The following PCNX2 variants were observed in gnomAD, a reference collection of about 807,000 sequenced individuals.
The protein encoded by PCNX2 is pecanex-like protein 2.
A neutral mutation model predicts 223.8 loss-of-function variants in PCNX2; 168 were observed. That is an observed-to-expected ratio of 0.75 (90% CI 0.66 to 0.85). The LOEUF is 0.85. PCNX2 is among the 40% of genes least tolerant of loss of function. The pLI is 0.00. For missense variants in PCNX2, 2,507 were observed against 2,675.5 expected (o/e 0.94, Z 1.39); for synonymous variants, 1,006 against 1,052.6 (o/e 0.96, Z 0.86).
chr1:233,184,644 T>A (rs1679989365), intron 15 of PCNX2, among the ~76,000 whole-genome samples: 1 of 152,196 alleles, frequency 6.6e-6, no homozygotes, highest in Admixed American at 6.5e-5. Context: ...CACTCCTGGT[T>A]TCTGTCCTAT....
At chr1:233,249,864 G>A (rs1310604482) in intron 8 of PCNX2, among the ~76,000 whole-genome samples, 1 of 152,168 alleles carries the variant, frequency 6.6e-6, no homozygotes, top group East Asian at 1.9e-4. Context: ...CTGGAGGCCA[G>A]AATGCAAGGA....
intron 21 of PCNX2, among the ~76,000 whole-genome samples, chr1:233,122,629 T>C (rs1675867557): frequency 6.6e-6 from 1 of 151,662 alleles, no homozygotes; most frequent in Non-Finnish European, 1.5e-5. Flanking sequence ...CTTCAAGCAA[T>C]CCTCCTGCCT....
Position 233,177,840 on chromosome 1 carries a change from C to T in PCNX2, c.3235G>A (p.Ala1079Thr), listed in dbSNP as rs573954519. 1,453 of 1,613,826 alleles carry T rather than the reference C, an allele frequency of 9.0e-4. 24 individuals are homozygous for T. The South Asian group carries it at 0.015, about 17-fold the overall frequency. The change falls in exon 17 of 34, where the codon GCT becomes ACT. Residue 1079 changes from alanine to threonine, a missense_variant. Ala to Thr is a moderately conservative substitution (Grantham distance 58). Transcript: ENST00000258229. ...ATCTTCTTGGGGAGAGGGTCAGCAG[C>T]TGACTCTGCCAGATTTTGATGTAAA... The part of the protein sequence containing the change: ...KFLHQNLAES[A>T]ADPLPKKMKD...
chr1:233,162,275 G>C (rs1206933995), intron 17 of PCNX2, among the ~76,000 whole-genome samples: 2 of 152,096 alleles, frequency 1.3e-5, no homozygotes, highest in Non-Finnish European at 1.5e-5. Context: ...CTCTGTAGAG[G>C]TGGATTAGTT....
rs781556554 is a variant in PCNX2, at chr1:233,014,736, C to T, written c.4881G>A (p.Val1627=). 3.7e-6 allele frequency: 6 copies of T among 1,614,022 alleles called. No individual in the cohort carries two copies. The Admixed American group carries it at 1.0e-4, about 27-fold the overall frequency. The part of the protein sequence containing the change: ...TLDSDEDSPL[V]TLSFALCTLG... The stretch of plus-strand genomic sequence containing the variant: ...GGGTGCACAGGGCGAAGGACAGAGT[C>T]ACCAAGGGAGAGTCCTCGTCACTGT... The change falls in exon 28 of 34, where the codon GTG becomes GTA. Residue 1627 remains valine, a synonymous_variant. Transcript: ENST00000258229.
intron 9 of PCNX2, among the ~76,000 whole-genome samples, chr1:233,233,311 G>C (rs1024471716): frequency 6.6e-6 from 1 of 152,116 alleles, no homozygotes; most frequent in Non-Finnish European, 1.5e-5. Flanking sequence ...CCAATCTTGA[G>C]TTCAAACAAC....
intron 3 of PCNX2, 75 bp downstream of exon 3, chr1:233,261,970 T>C: frequency 6.3e-7 from 1 of 1,580,692 alleles, no homozygotes; most frequent in Admixed American, 1.7e-5. Context: ...TCACTGCTGC[T>C]GAACACTCCC....
intron 23 of PCNX2, among the ~76,000 whole-genome samples, chr1:233,067,148 T>TCATAATACATAATACATAATACATAATA (rs1672643451): frequency 2.6e-5 from 4 of 151,564 alleles, no homozygotes; most frequent in Admixed American, 2.6e-4. Context: ...ATCCAGAGGC[T>TCATAATACATAATACATAATACATAATA]CATAATACAT....
At position 233,044,905 on chromosome 1, in the gene PCNX2, G is replaced by T. The variant is rs947224620; in HGVS notation, c.4351+9363C>A. Among the ~76,000 whole-genome samples the T allele has an allele frequency of 2.0e-4, 31 of 152,072 alleles. 1 individual carries two copies. Among genetic ancestry groups the T allele is most frequent in the Non-Finnish European group, 2.4e-4 (16 of 68,020 alleles). The stretch of plus-strand genomic sequence containing the variant: ...GCTGGTCTTGGACTCCTGACCTCAG[G>T]TGATCCACCCGCCTCAGCCTCCCAA... On this transcript the variant is annotated intron_variant, in intron 25 of 33. Transcript: ENST00000258229.
In PCNX2 at chr1:232,990,951, G is replaced by A. The variant is rs1042683972; in HGVS notation, c.5792-4411C>T. Among the ~76,000 whole-genome samples the A allele has an allele frequency of 1.3e-5, 2 of 152,246 alleles. No homozygotes were observed. Among genetic ancestry groups the A allele is most frequent in the Non-Finnish European group, 2.9e-5 (2 of 68,046 alleles). On this transcript the variant is annotated intron_variant, in intron 32 of 33. Coordinates refer to ENST00000258229, the MANE Select transcript of PCNX2 (RefSeq NM_014801.4). This position sits in a 1 kb window ranked among gnomAD's most constrained non-coding sequence, Gnocchi z 4.3. ...ATGCAGGCAGCCCCTCACCTGGCAG[G>A]ATGTGGGGAGAGTGGGGAAGAGGGT... is the stretch of plus-strand genomic sequence containing the variant.
chr1:233,252,598 G>A, intron 6 of PCNX2, 43 bp downstream of exon 6: 4 of 1,598,584 alleles, frequency 2.5e-6, no homozygotes, highest in Non-Finnish European at 3.4e-6. Flanking sequence ...GCTGTCTCAT[G>A]CTTTATGACC....
chr1:233,202,519 C>A (rs979532057), intron 13 of PCNX2, among the ~76,000 whole-genome samples: 1 of 152,170 alleles, frequency 6.6e-6, no homozygotes, highest in Non-Finnish European at 1.5e-5. Context: ...AAACTAAAGC[C>A]TATGAAGTCA....
In PCNX2 at chr1:233,258,320, A is replaced by G; in HGVS notation, c.1542T>C (p.Leu514=). 1.2e-6 allele frequency: 2 copies of G among 1,613,994 alleles called. No individual in the cohort carries two copies. Among genetic ancestry groups the G allele is most frequent in the Middle Eastern group, 3.3e-4 (2 of 6,062 alleles). ...GGCTGGACTTACAAGACGATGGGTC[A>G]AGGTTAGTCTGGCCTTCCTTCCCCA... ...SKVGKEGQTN[L]DPSSCKSSHE... Residue 514 remains leucine, a synonymous_variant, in exon 5 of 34, where the codon CTT becomes CTC. Transcript: ENST00000258229.
At position 233,076,994 on chromosome 1, in the gene PCNX2, C is replaced by G. The variant is rs572731586; in HGVS notation, c.4076+13067G>C. 3.9e-5 allele frequency among the ~76,000 whole-genome samples: 6 copies of G among 152,262 alleles called. No homozygotes were observed. In the East Asian group the frequency reaches 9.7e-4, roughly 24 times the overall value. On this transcript the variant is annotated intron_variant, in intron 23 of 33. Transcript: ENST00000258229. ...TGTAAAGGAGGATCACCTCATTATT[C>G]TGACCCCTAGTTTTCTGAATGTCTA... is the stretch of plus-strand genomic sequence containing the variant.
intron 28 of PCNX2, among the ~76,000 whole-genome samples, chr1:233,011,965 G>A (rs1670483850): frequency 6.6e-6 from 1 of 152,140 alleles, no homozygotes; most frequent in Non-Finnish European, 1.5e-5. Flanking sequence ...AGTTCAGGTG[G>A]CCCAGACTTG....
the PCNX2 span, among the ~76,000 whole-genome samples, chr1:233,317,474 TAA>T: frequency 1.3e-5 from 2 of 152,256 alleles, no homozygotes; most frequent in Non-Finnish European, 1.5e-5. Context: ...GACAACAAGA[TAA>T]AAGTTACAAT....
intron 8 of PCNX2, among the ~76,000 whole-genome samples, chr1:233,247,465 T>C (rs1270053050): frequency 6.6e-6 from 1 of 152,232 alleles, no homozygotes; most frequent in Non-Finnish European, 1.5e-5. Context: ...AGAACTCTTC[T>C]TGTTTTTTGG....
At chr1:233,230,778 T>A (rs1223909861) in intron 9 of PCNX2, among the ~76,000 whole-genome samples, 3 of 152,236 alleles carry the variant, frequency 2.0e-5, no homozygotes, top group African/African-American at 2.4e-5. Flanking sequence ...GTTCATTTAA[T>A]GAATTTGAAT....
chr1:233,001,727 G>A lies in PCNX2; in HGVS notation c.4953-46C>T, dbSNP rs777574349. The A allele has an allele frequency of 2.0e-5, 29 of 1,446,506 alleles. No individual in the cohort carries two copies. Among genetic ancestry groups the A allele is most frequent in the Non-Finnish European group, 2.6e-5 (28 of 1,085,060 alleles). The allele number at this position is 1,446,506 out of a possible 1,614,324, so 89.6% of individuals were successfully genotyped here. ...ACTATGGAACAAATTTCAGAATCCT[G>A]TCATTGTGAGCAAAGTTTGAGTCTC... On this transcript the variant is annotated intron_variant, in intron 28 of 33. Transcript: ENST00000258229. This position sits in a 1 kb window ranked among gnomAD's most constrained non-coding sequence, Gnocchi z 4.2.
Sources: allele counts gnomAD v4.1 joint callset (sites outside exome capture counted in the v4.1 genomes callset), GRCh38; gene constraint gnomAD v4.1.1; non-coding constraint Gnocchi (gnomAD v3.1); transcripts MANE v1.5; gene names NCBI Gene and HGNC (gene_info 2026-07-23, HGNC 2026-07-21).